Variants in SGCZ observed in about 807,000 individuals in gnomAD.
SGCZ encodes the protein sarcoglycan zeta.
SGCZ carries 40 observed loss-of-function variants against 41.3 expected under a neutral mutation model. The ratio of observed to expected loss-of-function variants is 0.97; its 90% confidence interval spans 0.75 to 1.26. The LOEUF is 1.26. Ranked by LOEUF, SGCZ falls within the 50% of genes most tolerant of loss-of-function variation. The probability of loss-of-function intolerance (pLI) is 0.00; values close to 1 mark genes in which losing one functional copy is unlikely to be tolerated. For synonymous variants in SGCZ, 206 were observed against 137.5 expected (o/e 1.50, Z -3.49); for missense variants, 552 against 369.8 (o/e 1.49, Z -4.04).
intron 1 of SGCZ, among the ~76,000 whole-genome samples, chr8:15,005,294 C>T (rs984141617): frequency 5.3e-5 from 8 of 150,166 alleles, no homozygotes; most frequent in Non-Finnish European, 4.4e-5. Flanking sequence ...CCGGAGCCCC[C>T]TCCCCACGCC....
chr8:15,199,939 A>C (rs1800842260), intron 1 of SGCZ, among the ~76,000 whole-genome samples: 1 of 152,214 alleles, frequency 6.6e-6, no homozygotes, highest in Non-Finnish European at 1.5e-5. Flanking sequence ...GCCAATTACA[A>C]CAATAAATAG....
chr8:14,513,840 G>A (rs75846721), intron 2 of SGCZ, among the ~76,000 whole-genome samples: 1 of 152,004 alleles, frequency 6.6e-6, no homozygotes, highest in Non-Finnish European at 1.5e-5. Flanking sequence ...AATGTCAATG[G>A]CCTAAAAGAC....
chr8:14,534,919 G>A (rs1585056774), intron 2 of SGCZ, among the ~76,000 whole-genome samples: 1 of 152,048 alleles, frequency 6.6e-6, no homozygotes, highest in East Asian at 1.9e-4. Flanking sequence ...CAACATTACT[G>A]TTCTTAGATA....
intron 1 of SGCZ, among the ~76,000 whole-genome samples, chr8:14,890,677 T>C (rs530677102): frequency 1.3e-5 from 2 of 152,334 alleles, no homozygotes; most frequent in South Asian, 4.1e-4. Context: ...AAAGTGGCTA[T>C]TTTTATTGAC....
intron 1 of SGCZ, among the ~76,000 whole-genome samples, chr8:15,031,490 C>A (rs1311707099): frequency 6.6e-6 from 1 of 152,172 alleles, no homozygotes; most frequent in Non-Finnish European, 1.5e-5. Flanking sequence ...TAAGCACTTA[C>A]AACATGCTCG....
chr8:15,007,468 G>A (rs1168105156), intron 1 of SGCZ, among the ~76,000 whole-genome samples: 1 of 152,150 alleles, frequency 6.6e-6, no homozygotes, highest in East Asian at 1.9e-4. Context: ...GGCAACAGAG[G>A]GTAATATTGA....
In SGCZ at chr8:14,551,559, TTA is replaced by T. The variant is rs1395454135; in HGVS notation, c.234+3171_234+3172del. On this transcript the variant is annotated intron_variant, in intron 2 of 7. Transcript: ENST00000382080. ...ATATATATAATATATATAATATATA[TTA>T]TATATATAATATATATATAATATAT... 9.5e-3 allele frequency among the ~76,000 whole-genome samples: 181 copies of T among 19,056 alleles called. 18 individuals carry two copies. The highest frequency in any genetic ancestry group is 0.01 in the Non-Finnish European group (133 of 12,866). The allele number at this position is 19,056 out of a possible 152,430, so 12.5% of individuals were successfully genotyped here.
chr8:15,191,730 T>C (rs1362580015), intron 1 of SGCZ, among the ~76,000 whole-genome samples: 2 of 151,856 alleles, frequency 1.3e-5, no homozygotes, highest in Non-Finnish European at 2.9e-5. Flanking sequence ...AATAATATGC[T>C]AGGAATAGAA....
intron 1 of SGCZ, among the ~76,000 whole-genome samples, chr8:14,572,242 C>A (rs967739664): frequency 6.6e-6 from 1 of 152,106 alleles, no homozygotes; most frequent in African/African-American, 2.4e-5. Flanking sequence ...TCCAAAAAGG[C>A]TAACCATTCC....
At chr8:14,985,635 T>C (rs998847241) in intron 1 of SGCZ, among the ~76,000 whole-genome samples, 2 of 152,160 alleles carry the variant, frequency 1.3e-5, no homozygotes, top group East Asian at 1.9e-4. Context: ...AATTGTTGCA[T>C]TGTGTGCAAG....
rs577224609 is a variant in SGCZ at position 14,533,964 on chromosome 8, A to G, written c.234+20768T>C. ...CAAGCATAATGAAGAAAGACAGCTG[A>G]GAAGTGACGTGACACAGCAGCAAGG... On this transcript the variant is annotated intron_variant, in intron 2 of 7. Transcript: ENST00000382080. Among the ~76,000 whole-genome samples, 9 of 152,110 alleles carry G rather than the reference A, an allele frequency of 5.9e-5. No homozygotes were observed. The South Asian group carries it at 6.2e-4, about 11-fold the overall frequency.
intron 1 of SGCZ, among the ~76,000 whole-genome samples, chr8:14,803,239 T>G (rs969264300): frequency 6.6e-6 from 1 of 152,102 alleles, no homozygotes; most frequent in African/African-American, 2.4e-5. Context: ...GATGGCCGAA[T>G]AGGAACAGCT....
intron 1 of SGCZ, among the ~76,000 whole-genome samples, chr8:15,181,113 T>G (rs1008710798): frequency 3.3e-5 from 5 of 152,088 alleles, no homozygotes; most frequent in African/African-American, 1.2e-4. Flanking sequence ...CCAAGAACTT[T>G]TAATGAGAAA....
At chr8:14,695,941 A>G (rs904579554) in intron 1 of SGCZ, among the ~76,000 whole-genome samples, 3 of 152,124 alleles carry the variant, frequency 2.0e-5, no homozygotes, top group African/African-American at 4.8e-5. Flanking sequence ...AAATAAAAAT[A>G]AAAGCTAAAA....
intron 2 of SGCZ, among the ~76,000 whole-genome samples, chr8:14,349,652 G>A (rs991618168): frequency 2.0e-5 from 3 of 152,080 alleles, no homozygotes; most frequent in Non-Finnish European, 4.4e-5. Context: ...ATCATATGCA[G>A]GAAAGCCACT....
chr8:14,619,936 C>G (rs1287173585), intron 1 of SGCZ, among the ~76,000 whole-genome samples: 1 of 152,154 alleles, frequency 6.6e-6, no homozygotes, highest in South Asian at 2.1e-4. Flanking sequence ...TTGGAAAAAA[C>G]TACTTTAAAG....
rs148210245 is a variant in SGCZ at position 14,125,284 on chromosome 8, A to G, written c.548-17049T>C. ...TTCACAAGGTCGAGGTGGGTGGTTC[A>G]CAAGGTCAGGAGATCAAGACCATCC... On this transcript the variant is annotated intron_variant, in intron 5 of 7. Coordinates refer to ENST00000382080, the MANE Select transcript of SGCZ (RefSeq NM_139167.4). 6.3e-3 allele frequency among the ~76,000 whole-genome samples: 952 copies of G among 152,182 alleles called. 7 individuals are homozygous for G. Among genetic ancestry groups the G allele is most frequent in the African/African-American group, 0.022 (906 of 41,540 alleles).
At chr8:14,702,785 ACAGACAGG>A (rs1259966259) in intron 1 of SGCZ, among the ~76,000 whole-genome samples, 3 of 144,690 alleles carry the variant, frequency 2.1e-5, no homozygotes, top group African/African-American at 5.0e-5. Context: ...AGATAGACAG[ACAGACAGG>A]CAGACAGGTA....
In SGCZ at chr8:14,266,458, G is replaced by A. The variant is rs116787675; in HGVS notation, c.337-28779C>T. On this transcript the variant is annotated intron_variant, in intron 3 of 7. Coordinates refer to ENST00000382080, the MANE Select transcript of SGCZ (RefSeq NM_139167.4). ...TTTCTCAAGACATGATATTTGCACT[G>A]ATTAAAAAAATACTGTGTAGGAATT... Among the ~76,000 whole-genome samples, 1,087 of 152,126 alleles carry A rather than the reference G, an allele frequency of 7.1e-3. 17 individuals carry two copies. The highest frequency in any genetic ancestry group is 0.025 in the African/African-American group (1,041 of 41,510).
Sources: gnomAD v4.1 joint callset for allele counts (sites outside exome capture counted in the v4.1 genomes callset) on GRCh38, gnomAD v4.1.1 for gene constraint, MANE v1.5 for transcripts, NCBI Gene and HGNC (gene_info 2026-07-23, HGNC 2026-07-21) for gene names.